Variants in PTPRN2 observed in about 807,000 individuals in gnomAD.
PTPRN2 encodes protein tyrosine phosphatase receptor type N2, also known as receptor-type tyrosine-protein phosphatase N2.
In PTPRN2, 74 loss-of-function variants were observed where a neutral mutation model predicts 118.8. The ratio of observed to expected loss-of-function variants is 0.62; its 90% CI spans 0.52 to 0.76. PTPRN2 has a LOEUF of 0.76. Ranked by LOEUF, PTPRN2 falls within the 30% of genes least tolerant of loss-of-function variation. The pLI, the probability that PTPRN2 is intolerant of heterozygous loss-of-function variation, is 0.00. For synonymous variants in PTPRN2, 641 were observed against 608.0 expected (o/e 1.05, Z -0.80); for missense variants, 1,481 against 1,394.4 (o/e 1.06, Z -0.99).
At chr7:157,770,836 C>T (rs1802758100) in intron 12 of PTPRN2, among the ~76,000 whole-genome samples, 1 of 152,226 alleles carries the variant, frequency 6.6e-6, no homozygotes, top group Non-Finnish European at 1.5e-5. Flanking sequence ...GAGGTGAGAC[C>T]TCTGTCCTCC....
At chr7:157,795,543 T>A (rs1281406663) in intron 12 of PTPRN2, among the ~76,000 whole-genome samples, 1 of 152,242 alleles carries the variant, frequency 6.6e-6, no homozygotes, top group Non-Finnish European at 1.5e-5. Context: ...CATGAGAAAG[T>A]CCTTCCAGCC....
intron 3 of PTPRN2, among the ~76,000 whole-genome samples, chr7:158,307,211 G>GTCTTACAGTTATTTAGC (rs1455579840): frequency 2.0e-5 from 3 of 152,078 alleles, no homozygotes; most frequent in African/African-American, 7.2e-5. Context: ...TAAGAACAAT[G>GTCTTACAGTTATTTAGC]TCTAAAGAGC....
intron 3 of PTPRN2, among the ~76,000 whole-genome samples, chr7:158,230,538 G>A (rs1288140560): frequency 6.6e-6 from 1 of 151,898 alleles, no homozygotes; most frequent in East Asian, 1.9e-4. Flanking sequence ...AAATACAGAG[G>A]GGTTTTTTTT....
Position 157,959,759 on chromosome 7 carries a change from T to C in PTPRN2, c.1724-61022A>G, listed in dbSNP as rs142201410. On this transcript the variant is annotated intron_variant, in intron 11 of 22. Coordinates refer to ENST00000389418, the MANE Select transcript of PTPRN2 (RefSeq NM_002847.5). Reference sequence around the variant, plus strand: ...GGAATGTAAAATGGTTCAGCCACACTGGGAAATAGCTTGAGAATTCCTCAA... The same window carrying C: ...GGAATGTAAAATGGTTCAGCCACACCGGGAAATAGCTTGAGAATTCCTCAA... Among the ~76,000 whole-genome samples, 1,180 of 152,358 alleles carry C rather than the reference T, an allele frequency of 7.7e-3. 18 individuals are homozygous for C. Among genetic ancestry groups the C allele is most frequent in the African/African-American group, 0.027 (1,125 of 41,572 alleles).
At chr7:158,361,992 G>T (rs1809021383) in intron 2 of PTPRN2, among the ~76,000 whole-genome samples, 1 of 152,144 alleles carries the variant, frequency 6.6e-6, no homozygotes, top group Non-Finnish European at 1.5e-5. Flanking sequence ...CTGAATCCCA[G>T]CCCCTTCCCC....
intron 3 of PTPRN2, among the ~76,000 whole-genome samples, chr7:158,253,071 C>T (rs1043327881): frequency 3.9e-5 from 6 of 152,226 alleles, no homozygotes; most frequent in Non-Finnish European, 8.8e-5. Context: ...CCAAACCCAA[C>T]CACAGTTCCA....
intron 6 of PTPRN2, among the ~76,000 whole-genome samples, chr7:158,140,714 G>A (rs1239883366): frequency 6.6e-6 from 1 of 152,252 alleles, no homozygotes; most frequent in Admixed American, 6.5e-5. Flanking sequence ...GTGTGAGGGT[G>A]TGCCGTGCAG....
intron 1 of PTPRN2, among the ~76,000 whole-genome samples, chr7:158,545,885 G>A (rs765225641): frequency 2.6e-5 from 4 of 152,158 alleles, no homozygotes; most frequent in African/African-American, 7.2e-5. Context: ...TGTAGTCCCA[G>A]CTACTCAGGA....
At chr7:158,240,992 G>A (rs1795874295) in intron 3 of PTPRN2, among the ~76,000 whole-genome samples, 1 of 152,150 alleles carries the variant, frequency 6.6e-6, no homozygotes, top group Non-Finnish European at 1.5e-5. Flanking sequence ...GAATAAAGAT[G>A]CCCCAAGGCA....
At chr7:158,294,461 A>G (rs1645989722) in intron 3 of PTPRN2, among the ~76,000 whole-genome samples, 1 of 152,218 alleles carries the variant, frequency 6.6e-6, no homozygotes, top group African/African-American at 2.4e-5. Flanking sequence ...TCTGGCGTCA[A>G]CTATTCCCTC....
chr7:158,158,265 C>T (rs1409436034), intron 6 of PTPRN2, among the ~76,000 whole-genome samples: 1 of 152,254 alleles, frequency 6.6e-6, no homozygotes, highest in Non-Finnish European at 1.5e-5. Flanking sequence ...TAATCTACTG[C>T]TGTCACCGTG....
Position 157,590,338 on chromosome 7 carries a change from G to A in PTPRN2, c.2496+4900C>T, listed in dbSNP as rs149181108. Among the ~76,000 whole-genome samples the A allele has an allele frequency of 3.3e-5, 5 of 152,182 alleles. No homozygotes were observed. Among genetic ancestry groups the A allele is most frequent in the African/African-American group, 9.7e-5 (4 of 41,420 alleles). ...ACACTGATTTCTGAACTGTAACTCA[G>A]ACTTCCACAGACCCCTCTGAGCTGG... On this transcript the variant is annotated intron_variant, in intron 17 of 22. Coordinates refer to ENST00000389418, the MANE Select transcript of PTPRN2 (RefSeq NM_002847.5). The surrounding 1 kb of genome is among the most constrained non-coding windows in gnomAD (Gnocchi z 4.0).
chr7:158,308,750 C>T (rs1801483931), intron 3 of PTPRN2, among the ~76,000 whole-genome samples: 1 of 151,904 alleles, frequency 6.6e-6, no homozygotes, highest in Non-Finnish European at 1.5e-5. Flanking sequence ...CTAGCAAACA[C>T]TAAGAAAGCA....
intron 21 of PTPRN2, among the ~76,000 whole-genome samples, chr7:157,557,228 T>C (rs954189658): frequency 2.7e-5 from 4 of 146,902 alleles, no homozygotes; most frequent in Non-Finnish European, 6.0e-5. Flanking sequence ...GTCATACATA[T>C]GCACACACAC....
intron 11 of PTPRN2, among the ~76,000 whole-genome samples, chr7:157,978,711 C>T (rs1001644162): frequency 7.2e-5 from 11 of 151,978 alleles, no homozygotes; most frequent in African/African-American, 2.7e-4. Context: ...TCAGCTCCCC[C>T]ACTTCCCTCT....
At chr7:158,488,369 AAGAAG>A (rs924334229) in intron 2 of PTPRN2, among the ~76,000 whole-genome samples, 1 of 152,104 alleles carries the variant, frequency 6.6e-6, no homozygotes, top group African/African-American at 2.4e-5. Context: ...AATCTCCCGA[AAGAAG>A]AGAAAACAGC....
intron 21 of PTPRN2, among the ~76,000 whole-genome samples, chr7:157,562,667 T>C (rs1407572558): frequency 1.1e-3 from 137 of 124,432 alleles, no homozygotes; most frequent in Middle Eastern, 0.01. Context: ...ATCAGGACCA[T>C]GTGCTCCCGC....
At position 158,517,533 on chromosome 7, in the gene PTPRN2, T is replaced by G. The variant is rs1302727062; in HGVS notation, c.113-27748A>C. Among the ~76,000 whole-genome samples, 3 of 151,530 alleles carry G rather than the reference T, an allele frequency of 2.0e-5. No individual in the cohort carries two copies. The highest frequency in any genetic ancestry group is 6.6e-5 in the Admixed American group (1 of 15,230). On this transcript the variant is annotated intron_variant, in intron 1 of 22. Transcript: ENST00000389418. This position sits in a 1 kb window ranked among gnomAD's most constrained non-coding sequence, Gnocchi z 5.3. ...CCTGAGCCCCGTTCCACCTCCTCAC[T>G]GGCCTCGCTGCCCCTCTGCAATCTC...
Position 157,587,151 on chromosome 7 carries a change from G to GCAGA in PTPRN2, c.2496+8083_2496+8086dup, listed in dbSNP as rs1554498186. On this transcript the variant is annotated intron_variant, in intron 17 of 22. Coordinates refer to ENST00000389418, the MANE Select transcript of PTPRN2 (RefSeq NM_002847.5). The surrounding 1 kb of genome is among the most constrained non-coding windows in gnomAD (Gnocchi z 5.3). ...GGCAGATACACAGGCAGGCAGACAG[G>GCAGA]CAGACAGGCAGGCAGACAGACAAGA... Among the ~76,000 whole-genome samples, 1 of 151,860 alleles carries GCAGA rather than the reference G, an allele frequency of 6.6e-6. No homozygotes were observed. The highest frequency in any genetic ancestry group is 2.4e-5 in the African/African-American group (1 of 41,360).
Sources: gnomAD v4.1 joint callset for allele counts (sites outside exome capture counted in the v4.1 genomes callset) on GRCh38, gnomAD v4.1.1 for gene constraint, Gnocchi (gnomAD v3.1) non-coding constraint, MANE v1.5 for transcripts, NCBI Gene and HGNC (gene_info 2026-07-23, HGNC 2026-07-21) for gene names.